The following ZNF385B variants were observed in gnomAD, a reference collection of about 807,000 sequenced individuals.
ZNF385B encodes the protein zinc finger protein 385B.
ZNF385B carries 23 observed loss-of-function variants against 39.2 expected under a neutral mutation model. The ratio of observed to expected loss-of-function variants is 0.59; its 90% CI spans 0.42 to 0.83. ZNF385B has a LOEUF of 0.83. ZNF385B is among the 40% of genes least tolerant of loss of function. The probability of loss-of-function intolerance (pLI) is 0.00; values close to 1 mark genes in which losing one functional copy is unlikely to be tolerated. For missense variants in ZNF385B, 552 were observed against 598.9 expected (o/e 0.92, Z 0.82); for synonymous variants, 205 against 222.6 (o/e 0.92, Z 0.70).
intron 3 of ZNF385B, among the ~76,000 whole-genome samples, chr2:179,601,458 A>G (rs898126801): frequency 1.3e-5 from 2 of 152,154 alleles, no homozygotes; most frequent in Non-Finnish European, 2.9e-5. Flanking sequence ...TTAACATAAT[A>G]GCAACTACAC....
At chr2:179,544,161 A>G (rs890536612) in intron 4 of ZNF385B, among the ~76,000 whole-genome samples, 31 of 152,336 alleles carry the variant, frequency 2.0e-4, no homozygotes, top group African/African-American at 7.2e-4. Flanking sequence ...GCTCCACTTG[A>G]CACACCTACA....
rs114964212 is a variant in ZNF385B, at chr2:179,728,490, T to C, written c.298+41013A>G. Among the ~76,000 whole-genome samples the C allele has an allele frequency of 8.7e-3, 1,332 of 152,288 alleles. 16 individuals carry two copies. The highest frequency in any genetic ancestry group is 0.03 in the African/African-American group (1,252 of 41,566). ...AACCCAACTCTGATCTGGTGTTCTT[T>C]CCACCACACCATGACCTCTTTTATA... is the stretch of plus-strand genomic sequence containing the variant. On this transcript the variant is annotated intron_variant, in intron 3 of 9. Transcript: ENST00000410066.
chr2:179,650,748 G>A (rs1693125352), intron 3 of ZNF385B, among the ~76,000 whole-genome samples: 1 of 152,264 alleles, frequency 6.6e-6, no homozygotes, highest in African/African-American at 2.4e-5. Flanking sequence ...AGGGCAGTGA[G>A]AAACCAAGAA....
intron 1 of ZNF385B, among the ~76,000 whole-genome samples, chr2:179,849,171 A>C (rs1219284636): frequency 6.6e-6 from 1 of 152,248 alleles, no homozygotes; most frequent in Non-Finnish European, 1.5e-5. Context: ...TTCTAAGCCC[A>C]ACACTGCTTC....
At chr2:179,588,192 C>T (rs1313366826) in intron 3 of ZNF385B, among the ~76,000 whole-genome samples, 1 of 152,058 alleles carries the variant, frequency 6.6e-6, no homozygotes, top group African/African-American at 2.4e-5. Context: ...GGGTTCACGC[C>T]ATTCTCCTGC....
chr2:179,731,089 C>G (rs1046991255), intron 3 of ZNF385B, among the ~76,000 whole-genome samples: 1 of 152,174 alleles, frequency 6.6e-6, no homozygotes, highest in Non-Finnish European at 1.5e-5. Flanking sequence ...AATATGTATA[C>G]ATTTGGTTTC....
intron 5 of ZNF385B, among the ~76,000 whole-genome samples, chr2:179,485,902 G>T (rs2054519796): frequency 6.6e-6 from 1 of 152,048 alleles, no homozygotes; most frequent in Non-Finnish European, 1.5e-5. Flanking sequence ...GACTATACAT[G>T]GTCCCTAACT....
At chr2:179,514,625 G>A (rs183203758) in intron 5 of ZNF385B, among the ~76,000 whole-genome samples, 1 of 152,262 alleles carries the variant, frequency 6.6e-6, no homozygotes, top group Middle Eastern at 3.4e-3. Context: ...ATAGAAAAGG[G>A]AAGAAATAAT....
intron 3 of ZNF385B, among the ~76,000 whole-genome samples, chr2:179,768,894 A>T (rs1249693117): frequency 6.6e-6 from 1 of 152,218 alleles, no homozygotes; most frequent in African/African-American, 2.4e-5. Context: ...GCCCACAAGG[A>T]AAGGGTGAGA....
intron 3 of ZNF385B, among the ~76,000 whole-genome samples, chr2:179,741,727 G>A (rs562172349): frequency 1.3e-5 from 2 of 152,184 alleles, no homozygotes; most frequent in East Asian, 1.9e-4. Flanking sequence ...GAGGCACACA[G>A]TAGGTATATA....
intron 6 of ZNF385B, among the ~76,000 whole-genome samples, chr2:179,476,272 T>C (rs912936977): frequency 4.6e-5 from 7 of 152,260 alleles, no homozygotes; most frequent in African/African-American, 9.6e-5. Context: ...TCAATGTACA[T>C]ACAAAATCCT....
rs1298796075 is a variant in ZNF385B, at chr2:179,472,705, CAT to C, written c.715+10565_715+10566del. On this transcript the variant is annotated intron_variant, in intron 6 of 9. Transcript: ENST00000410066. ...TGACAAGTTTCTGCTTTTTTACTGA[CAT>C]AAATTCAGCAGGGACTTTTCAGGCA... Among the ~76,000 whole-genome samples the C allele has an allele frequency of 2.0e-5, 3 of 152,252 alleles. No homozygotes were observed. In the East Asian group the frequency reaches 5.8e-4, roughly 29 times the overall value.
chr2:179,529,945 C>T (rs1434671353), intron 4 of ZNF385B, among the ~76,000 whole-genome samples: 5 of 152,048 alleles, frequency 3.3e-5, no homozygotes, highest in African/African-American at 1.2e-4. Flanking sequence ...AGTATTGTAT[C>T]TCCTTCGGGT....
chr2:179,744,090 T>C (rs1233842114), intron 3 of ZNF385B, among the ~76,000 whole-genome samples: 1 of 152,118 alleles, frequency 6.6e-6, no homozygotes, highest in East Asian at 1.9e-4. Context: ...TTTCTACAAA[T>C]GTATTGCAAA....
intron 3 of ZNF385B, among the ~76,000 whole-genome samples, chr2:179,717,833 C>T (rs760676914): frequency 3.3e-5 from 5 of 152,054 alleles, no homozygotes; most frequent in Non-Finnish European, 5.9e-5. Flanking sequence ...ATGAGGAAAG[C>T]GAAAAGCATA....
At chr2:179,663,692 C>T (rs539673970) in intron 3 of ZNF385B, among the ~76,000 whole-genome samples, 4 of 119,908 alleles carry the variant, frequency 3.3e-5, no homozygotes, top group African/African-American at 1.3e-4. Context: ...CCAGCCTGGG[C>T]GACAGAGCGA....
At chr2:179,491,683 C>G (rs186188391) in intron 5 of ZNF385B, among the ~76,000 whole-genome samples, 1 of 152,044 alleles carries the variant, frequency 6.6e-6, no homozygotes, top group Non-Finnish European at 1.5e-5. Flanking sequence ...TGGATAATAT[C>G]TTTTATTTTT....
At chr2:179,792,804 G>A (rs1462340562) in intron 1 of ZNF385B, among the ~76,000 whole-genome samples, 1 of 152,068 alleles carries the variant, frequency 6.6e-6, no homozygotes, top group Non-Finnish European at 1.5e-5. Context: ...GAGGTAAAGA[G>A]AAAAAGAAGG....
chr2:179,777,687 C>A (rs1286237000), intron 1 of ZNF385B, among the ~76,000 whole-genome samples: 1 of 151,794 alleles, frequency 6.6e-6, no homozygotes, highest in African/African-American at 2.4e-5. Flanking sequence ...AGCTTTGCTA[C>A]CTCTAAATAA....
Sources: gnomAD v4.1 joint callset for allele counts (sites outside exome capture counted in the v4.1 genomes callset) on GRCh38, gnomAD v4.1.1 for gene constraint, MANE v1.5 for transcripts, NCBI Gene and HGNC (gene_info 2026-07-23, HGNC 2026-07-21) for gene names.